Variants in PI4KA observed in about 807,000 individuals in gnomAD.
PI4KA encodes phosphatidylinositol 4-kinase alpha.
In PI4KA, 122 loss-of-function variants were observed where a neutral mutation model predicts 271.4. The observed-to-expected ratio is 0.45, with a 90% CI of 0.39 to 0.52. The LOEUF (loss-of-function observed/expected upper bound fraction) is 0.52. Ranked by LOEUF, PI4KA falls within the 20% of genes least tolerant of loss-of-function variation. PI4KA has a pLI of 0.00. For synonymous variants in PI4KA, 1,041 were observed against 1,078.8 expected, an observed-to-expected ratio of 0.96 and a Z score of 0.69; for missense variants, 1,969 against 2,769.1, an observed-to-expected ratio of 0.71 and a Z score of 6.48.
intron 32 of PI4KA, among the ~76,000 whole-genome samples, chr22:20,737,018 G>A (rs1245428137): frequency 6.6e-6 from 1 of 152,236 alleles, no homozygotes; most frequent in African/African-American, 2.4e-5. Flanking sequence ...CCAGTGTAGC[G>A]GTGTCTGGAG....
chr22:20,793,482 C>T (rs891157244), intron 18 of PI4KA: 40 of 436,042 alleles, frequency 9.2e-5, no homozygotes, highest in South Asian at 5.3e-4. Context: ...AATCATGGTA[C>T]TTCTGCATAA....
intron 1 of PI4KA, among the ~76,000 whole-genome samples, chr22:20,842,767 T>G (rs567921613): frequency 6.7e-6 from 1 of 149,016 alleles, no homozygotes; most frequent in South Asian, 2.1e-4. Flanking sequence ...GAGCCGAGAT[T>G]GTGCCACTGC....
Position 20,715,243 on chromosome 22 carries a change from G to A in PI4KA, c.5318-543C>T, listed in dbSNP as rs547821448. Among the ~76,000 whole-genome samples, 9 of 151,910 alleles carry A rather than the reference G, an allele frequency of 5.9e-5. No homozygotes were observed. The East Asian group carries it at 1.8e-3, about 30-fold the overall frequency. On this transcript the variant is annotated intron_variant, in intron 45 of 54. Coordinates refer to ENST00000255882, the MANE Select transcript of PI4KA (RefSeq NM_058004.4). ...CTGTCACCATGCCTGGCTAATTTTTGTATTTTTAGTAGAGATGGGGTTTCA... is the reference window on the plus strand; with the variant it reads ...CTGTCACCATGCCTGGCTAATTTTTATATTTTTAGTAGAGATGGGGTTTCA...
intron 8 of PI4KA, 88 bp from the exon 9 acceptor site, chr22:20,811,120 C>A (rs983147249): frequency 2.1e-6 from 2 of 948,922 alleles, no homozygotes; most frequent in Non-Finnish European, 1.7e-6. Context: ...ATGACAAACT[C>A]ACATGGTGAA....
rs76782505 is a variant in PI4KA, at chr22:20,802,886, G to A, written c.1591+305C>T. 6.7e-3 allele frequency among the ~76,000 whole-genome samples: 1,016 copies of A among 152,264 alleles called. 5 individuals carry two copies. Among genetic ancestry groups the A allele is most frequent in the South Asian group, 0.024 (116 of 4,822 alleles). On this transcript the variant is annotated intron_variant, in intron 13 of 54. Transcript: ENST00000255882. The stretch of plus-strand genomic sequence containing the variant: ...GAAACATCATAATCCATTCTCGCAG[G>A]GGTAGCAGGGACTGGGCCCCTGGCT...
At chr22:20,749,297 C>T (rs1313229173) in intron 28 of PI4KA, among the ~76,000 whole-genome samples, 1 of 152,234 alleles carries the variant, frequency 6.6e-6, no homozygotes, top group East Asian at 1.9e-4. Flanking sequence ...TCAGCACACC[C>T]ACTCTCTGCT....
chr22:20,825,245 C>T (rs1569076638), intron 3 of PI4KA, among the ~76,000 whole-genome samples: 1 of 151,960 alleles, frequency 6.6e-6, no homozygotes, highest in South Asian at 2.1e-4. Context: ...GTGCCCATGC[C>T]CGGCCTAAAA....
At chr22:20,791,826 C>T (rs930103302) in intron 19 of PI4KA, among the ~76,000 whole-genome samples, 4 of 152,024 alleles carry the variant, frequency 2.6e-5, no homozygotes, top group Non-Finnish European at 5.9e-5. Context: ...GCAGGCCGGG[C>T]GCGGCAGCTC....
intron 19 of PI4KA, chr22:20,779,835 G>C: frequency 6.2e-7 from 1 of 1,614,220 alleles, no homozygotes; most frequent in Non-Finnish European, 8.5e-7. Flanking sequence ...AGAGACCCAT[G>C]AACAAGTGCA....
In PI4KA at chr22:20,832,946, T is replaced by A. The variant is rs117909181; in HGVS notation, c.367+1616A>T. 5.8e-3 allele frequency among the ~76,000 whole-genome samples: 891 copies of A among 152,344 alleles called. 8 individuals are homozygous for A. Among genetic ancestry groups the A allele is most frequent in the East Asian group, 0.055 (284 of 5,182 alleles). On this transcript the variant is annotated intron_variant, in intron 3 of 54. Transcript: ENST00000255882. ...TGCTGGGGAACTAGTGCAGTCAACT[T>A]AGCAGCAAGAAGACACTGGCTTTTG... is the stretch of plus-strand genomic sequence containing the variant.
chr22:20,804,442 G>T, intron 11 of PI4KA, 42 bp from the exon 12 acceptor site: 1 of 1,346,054 alleles, frequency 7.4e-7, no homozygotes, highest in Non-Finnish European at 1.1e-6. Flanking sequence ...ATCAGCACAG[G>T]CCAGTCTTTC....
chr22:20,712,621 A>G lies in PI4KA; in HGVS notation c.5677-10T>C, dbSNP rs186130868. On this transcript the variant is annotated splice_polypyrimidine_tract_variant and intron_variant, in intron 49 of 54. Transcript: ENST00000255882. ...ACTCGATCACCCCGCACTAGGAGGA[A>G]AGGCCAGTTCTGAGGCCCGCTGGGT... is the stretch of plus-strand genomic sequence containing the variant. 1.8e-4 allele frequency: 281 copies of G among 1,578,584 alleles called. 3 individuals are homozygous for G. The African/African-American group carries it at 2.9e-3, about 16-fold the overall frequency.
At chr22:20,813,037 T>TG (rs1921270552) in intron 8 of PI4KA, among the ~76,000 whole-genome samples, 2 of 152,326 alleles carry the variant, frequency 1.3e-5, no homozygotes, top group South Asian at 4.2e-4. Context: ...GCACTGGACT[T>TG]GGAGTCAGAA....
intron 54 of PI4KA, among the ~76,000 whole-genome samples, chr22:20,708,601 T>G (rs896316338): frequency 1.7e-5 from 2 of 115,076 alleles, no homozygotes; most frequent in Admixed American, 8.7e-5. Flanking sequence ...CAGTTCCCCA[T>G]GCAGATGGCC....
intron 30 of PI4KA, chr22:20,742,987 T>C (rs1185538991): frequency 1.8e-6 from 1 of 551,166 alleles, no homozygotes; most frequent in African/African-American, 1.9e-5. Flanking sequence ...ATGTTGGCAG[T>C]GCCACCACTG....
chr22:20,788,104 C>G (rs745953117), intron 19 of PI4KA, among the ~76,000 whole-genome samples: 29 of 152,330 alleles, frequency 1.9e-4, no homozygotes, highest in Non-Finnish European at 3.1e-4. Context: ...GTTCAGCACG[C>G]AAGAGTGCCA....
At chr22:20,830,010 T>G (rs1198335401) in intron 3 of PI4KA, among the ~76,000 whole-genome samples, 1 of 152,212 alleles carries the variant, frequency 6.6e-6, no homozygotes, top group Non-Finnish European at 1.5e-5. Context: ...TGTGGCCCTA[T>G]GAGTTCAGTT....
At position 20,718,562 on chromosome 22, in the gene PI4KA, C is replaced by G. The variant is rs960820530; in HGVS notation, c.5246+131G>C. 16 of 1,090,300 alleles carry G rather than the reference C, an allele frequency of 1.5e-5. No homozygotes were observed. The African/African-American group carries it at 2.4e-4, about 16-fold the overall frequency. 67.5% of individuals were successfully genotyped at this position (1,090,300 alleles called of 1,614,324 possible). On this transcript the variant is annotated intron_variant, in intron 44 of 54. Coordinates refer to ENST00000255882, the MANE Select transcript of PI4KA (RefSeq NM_058004.4). ...TGTCCATCAGAACCACCAGCGGCCC[C>G]GCTGCTAGAGACTCTCATTCATCTG... is the stretch of plus-strand genomic sequence containing the variant.
rs929815427 is a variant in PI4KA at position 20,712,867 on chromosome 22, G to A, written c.5572-70C>T. The A allele has an allele frequency of 2.6e-6, 4 of 1,549,818 alleles. No homozygotes were observed. In the African/African-American group the frequency reaches 5.5e-5, roughly 21 times the overall value. The stretch of plus-strand genomic sequence containing the variant: ...CACCCCAGCAGCTCTTCTGGCTCAT[G>A]CAGGGCAAAAGCCAAGCACCCAGAG... On this transcript the variant is annotated intron_variant, in intron 48 of 54. Transcript: ENST00000255882.
Sources: allele counts gnomAD v4.1 joint callset (sites outside exome capture counted in the v4.1 genomes callset), GRCh38; gene constraint gnomAD v4.1.1; transcripts MANE v1.5; gene names NCBI Gene and HGNC (gene_info 2026-07-23, HGNC 2026-07-21).